The following ESRRB variants were observed in gnomAD, a reference collection of about 807,000 sequenced individuals.
ESRRB encodes the protein estrogen related receptor beta, also known as steroid hormone receptor ERR2.
ESRRB carries 16 observed loss-of-function variants against 46.0 expected under a neutral mutation model. The ratio of observed to expected loss-of-function variants is 0.35; its 90% confidence interval spans 0.24 to 0.53. The LOEUF (loss-of-function observed/expected upper bound fraction) is 0.53. Among genes scored for constraint, ESRRB ranks in the 20% least tolerant of loss-of-function variants. ESRRB has a pLI of 0.93. For synonymous variants in ESRRB, 246 were observed against 259.6 expected (o/e 0.95, Z 0.50); for missense variants, 488 against 607.4 (o/e 0.80, Z 2.07).
chr14:76,461,428 C>G (rs554772505), intron 2 of ESRRB, among the ~76,000 whole-genome samples: 1 of 147,906 alleles, frequency 6.8e-6, no homozygotes, highest in Admixed American at 6.7e-5. Context: ...GTCTTGGCTT[C>G]GTGGGGCCTA....
In ESRRB at chr14:76,366,154, TG is replaced by T. The variant is rs1884519945; in HGVS notation, c.2+55243del. 2.0e-5 allele frequency among the ~76,000 whole-genome samples: 3 copies of T among 152,278 alleles called. No homozygotes were observed. The South Asian group carries it at 6.2e-4, about 32-fold the overall frequency. On this transcript the variant is annotated intron_variant, in intron 1 of 6. Transcript: ENST00000512784. ...ATTTCTCCTTTGACAGTGATTGGTT[TG>T]GGGGTGAACACGTGACTGGAGTCTG... is the stretch of plus-strand genomic sequence containing the variant.
intron 1 of ESRRB, among the ~76,000 whole-genome samples, chr14:76,432,676 T>TC: frequency 9.1e-6 from 1 of 109,484 alleles, no homozygotes; most frequent in East Asian, 3.0e-4. Flanking sequence ...TCTCTCTTTT[T>TC]TTTTTTTTTT....
intron 2 of ESRRB, 74 bp downstream of exon 2, chr14:76,439,824 C>G: frequency 1.3e-6 from 2 of 1,517,958 alleles, no homozygotes; most frequent in Non-Finnish European, 1.8e-6. Flanking sequence ...TGGCAGAAGC[C>G]CTAGGAATTC....
intron 1 of ESRRB, chr14:76,310,946 C>T (rs1490920576): frequency 2.2e-6 from 1 of 452,690 alleles, no homozygotes; most frequent in Non-Finnish European, 4.4e-6. Context: ...CCTTTCTCCT[C>T]CCCAGACTCT....
At chr14:76,463,451 T>TTTTTGTTTTTGTTTTTG (rs1888970672) in intron 3 of ESRRB, 1 of 135,386 alleles carries the variant, frequency 7.4e-6, no homozygotes, top group Non-Finnish European at 1.6e-5. Context: ...CTTTGTTTTT[T>TTTTTGTTTTTGTTTTTG]TTTTTTTTTT....
chr14:76,445,824 T>C (rs140099576), intron 2 of ESRRB, among the ~76,000 whole-genome samples: 1 of 152,200 alleles, frequency 6.6e-6, no homozygotes, highest in East Asian at 1.9e-4. Context: ...TAGCTGGGAT[T>C]ACAGGCGTGT....
intron 1 of ESRRB, among the ~76,000 whole-genome samples, chr14:76,331,691 C>T (rs189699418): frequency 6.6e-6 from 1 of 152,024 alleles, no homozygotes; most frequent in Admixed American, 6.5e-5. Context: ...TTGGAGATCT[C>T]GACATCACCC....
chr14:76,329,439 A>G (rs1883976050), intron 1 of ESRRB, among the ~76,000 whole-genome samples: 1 of 152,194 alleles, frequency 6.6e-6, no homozygotes, highest in African/African-American at 2.4e-5. Context: ...ACAGCTGTGC[A>G]CAGCAGAAAG....
intron 2 of ESRRB, among the ~76,000 whole-genome samples, chr14:76,456,212 A>AT (rs1362736417): frequency 3.3e-5 from 5 of 152,022 alleles, no homozygotes; most frequent in Admixed American, 2.6e-4. Flanking sequence ...TGGCTAGCTT[A>AT]TTTCTTATCT....
intron 1 of ESRRB, among the ~76,000 whole-genome samples, chr14:76,424,509 G>A (rs2139896670): frequency 6.6e-6 from 1 of 152,300 alleles, no homozygotes; most frequent in South Asian, 2.1e-4. Context: ...CGTTGTGTGG[G>A]CCTGCACACT....
chr14:76,336,576 T>C (rs1226381610), intron 1 of ESRRB, among the ~76,000 whole-genome samples: 1 of 152,166 alleles, frequency 6.6e-6, no homozygotes, highest in African/African-American at 2.4e-5. Context: ...GACCTCCTGC[T>C]TCCTTCCTTC....
At chr14:76,321,524 T>A (rs899675876) in intron 1 of ESRRB, among the ~76,000 whole-genome samples, 12 of 152,222 alleles carry the variant, frequency 7.9e-5, no homozygotes, top group African/African-American at 2.9e-4. Context: ...AATCTCTCCT[T>A]GTGTTAACTG....
intron 3 of ESRRB, among the ~76,000 whole-genome samples, chr14:76,481,030 G>C (rs1018804456): frequency 2.0e-5 from 3 of 152,244 alleles, no homozygotes; most frequent in African/African-American, 7.2e-5. Flanking sequence ...GGCTGGCCTG[G>C]AAGAGCCACA....
At chr14:76,469,729 C>T (rs1889277382) in intron 3 of ESRRB, among the ~76,000 whole-genome samples, 1 of 152,044 alleles carries the variant, frequency 6.6e-6, no homozygotes, top group Non-Finnish European at 1.5e-5. Context: ...CCTTCATCTC[C>T]ATCTAGATAT....
chr14:76,423,279 G>T (rs1369530527), intron 1 of ESRRB, among the ~76,000 whole-genome samples: 1 of 151,660 alleles, frequency 6.6e-6, no homozygotes, highest in African/African-American at 2.4e-5. Context: ...GAGTAGCTGG[G>T]ATTACAGATG....
intron 1 of ESRRB, among the ~76,000 whole-genome samples, chr14:76,431,574 C>T (rs1887447739): frequency 6.6e-6 from 1 of 152,096 alleles, no homozygotes; most frequent in Non-Finnish European, 1.5e-5. Context: ...ACTGAGAAGG[C>T]CCAGGGCAGA....
chr14:76,445,197 C>T (rs549468504), intron 2 of ESRRB, among the ~76,000 whole-genome samples: 124 of 144,400 alleles, frequency 8.6e-4, no homozygotes, highest in African/African-American at 3.1e-3. Flanking sequence ...CGGCCGGGTG[C>T]GATGGCTCAC....
At chr14:76,427,673 G>A (rs1174368181) in intron 1 of ESRRB, among the ~76,000 whole-genome samples, 1 of 152,126 alleles carries the variant, frequency 6.6e-6, no homozygotes. Context: ...TTACCAAATA[G>A]GGATGCTAAA....
chr14:76,377,541 C>G (rs1884826565), intron 1 of ESRRB, among the ~76,000 whole-genome samples: 1 of 152,206 alleles, frequency 6.6e-6, no homozygotes, highest in South Asian at 2.1e-4. Flanking sequence ...ACTCTAGGTT[C>G]TTACGGACAG....
Sources: gnomAD v4.1 joint callset for allele counts (sites outside exome capture counted in the v4.1 genomes callset) on GRCh38, gnomAD v4.1.1 for gene constraint, MANE v1.5 for transcripts, NCBI Gene and HGNC (gene_info 2026-07-23, HGNC 2026-07-21) for gene names.